Variants in MYO1D observed in about 807,000 individuals in gnomAD.
The protein encoded by MYO1D is unconventional myosin-Id.
MYO1D carries 83 observed loss-of-function variants against 122.0 expected under a neutral mutation model. That is an observed-to-expected ratio of 0.68 (90% confidence interval 0.57 to 0.82). MYO1D has a LOEUF of 0.82. Ranked by LOEUF, MYO1D falls within the 40% of genes least tolerant of loss-of-function variation. MYO1D has a pLI of 0.00. For synonymous variants in MYO1D, 464 were observed against 446.9 expected (o/e 1.04, Z -0.48); for missense variants, 1,157 against 1,269.5 (o/e 0.91, Z 1.35).
At chr17:32,691,899 A>G (rs1462962991) in intron 16 of MYO1D, among the ~76,000 whole-genome samples, 1 of 152,154 alleles carries the variant, frequency 6.6e-6, no homozygotes, top group East Asian at 1.9e-4. Context: ...CCTTAGCAAC[A>G]CTGTGTATGA....
chr17:32,535,310 T>C lies in MYO1D; in HGVS notation c.2865-40395A>G, dbSNP rs187297154. ...ACATCTTTTGCTCACTTAAGTATAA[T>C]TGCAGATTAAATTTTCACTTTATGA... On this transcript the variant is annotated intron_variant, in intron 21 of 21. Coordinates refer to ENST00000318217, the MANE Select transcript of MYO1D (RefSeq NM_015194.3). Among the ~76,000 whole-genome samples the C allele has an allele frequency of 2.1e-3, 324 of 152,350 alleles. 1 individual carries two copies. The Middle Eastern group carries it at 0.024, about 11-fold the overall frequency.
chr17:32,796,053 A>C (rs2090413552), intron 1 of MYO1D, among the ~76,000 whole-genome samples: 1 of 152,188 alleles, frequency 6.6e-6, no homozygotes, highest in Admixed American at 6.5e-5. Flanking sequence ...ATTTAAACCA[A>C]AACATGAGAA....
chr17:32,574,325 C>A (rs1283939044), intron 21 of MYO1D, among the ~76,000 whole-genome samples: 3 of 151,912 alleles, frequency 2.0e-5, no homozygotes, highest in Non-Finnish European at 4.4e-5. Context: ...AAAGACTATC[C>A]AGATTGATGC....
intron 1 of MYO1D, among the ~76,000 whole-genome samples, chr17:32,839,649 A>T (rs1339935527): frequency 6.6e-6 from 1 of 152,204 alleles, no homozygotes; most frequent in African/African-American, 2.4e-5. Flanking sequence ...CCCTATAGGA[A>T]GAGATTAATC....
intron 20 of MYO1D, among the ~76,000 whole-genome samples, chr17:32,624,896 T>C (rs1166844763): frequency 1.3e-5 from 2 of 152,094 alleles, no homozygotes; most frequent in Non-Finnish European, 2.9e-5. Flanking sequence ...GTTCAAGCGA[T>C]TCTCTTGCCT....
chr17:32,782,961 C>T (rs1424777145), intron 1 of MYO1D, among the ~76,000 whole-genome samples: 5 of 145,594 alleles, frequency 3.4e-5, no homozygotes, highest in Non-Finnish European at 7.4e-5. Flanking sequence ...AATTCCCTGA[C>T]TCAGCTGTCA....
intron 13 of MYO1D, among the ~76,000 whole-genome samples, chr17:32,744,179 T>C (rs1209829334): frequency 6.6e-6 from 1 of 152,148 alleles, no homozygotes; most frequent in East Asian, 1.9e-4. Context: ...TTGCTGTCAA[T>C]ACACTCAAGC....
rs1400311324 is a variant in MYO1D, at chr17:32,780,557, G to C, written c.304+19C>G. The C allele has an allele frequency of 6.2e-7, 1 of 1,608,874 alleles. No homozygotes were observed. Among genetic ancestry groups the C allele is most frequent in the East Asian group, 2.2e-5 (1 of 44,830 alleles). On this transcript the variant is annotated intron_variant, in intron 2 of 21. Transcript: ENST00000318217. ...AACACATTGTGACTTTGGAAATACA[G>C]GGGATCCCCTCCAATTACCTGATAT...
intron 16 of MYO1D, among the ~76,000 whole-genome samples, chr17:32,703,254 C>T (rs1041166082): frequency 8.3e-4 from 127 of 152,140 alleles, no homozygotes; most frequent in African/African-American, 3.0e-3. Flanking sequence ...AAGGCCAAAT[C>T]CCCCAAATAA....
intron 16 of MYO1D, among the ~76,000 whole-genome samples, chr17:32,683,562 G>T (rs929767025): frequency 9.2e-5 from 14 of 151,852 alleles, no homozygotes; most frequent in Admixed American, 7.2e-4. Flanking sequence ...TAGGCTGCTC[G>T]GGGGTCAGGG....
chr17:32,858,234 T>C (rs966661479), intron 1 of MYO1D, among the ~76,000 whole-genome samples: 1 of 152,196 alleles, frequency 6.6e-6, no homozygotes, highest in Non-Finnish European at 1.5e-5. Flanking sequence ...TTGGGAACCA[T>C]TTGATGTCTA....
intron 4 of MYO1D, 152 bp downstream of exon 4, chr17:32,775,712 A>T: frequency 1.4e-6 from 1 of 727,220 alleles, no homozygotes; most frequent in Non-Finnish European, 2.1e-6. Context: ...AGAAGAGAAG[A>T]CAAAAGGAGA....
intron 3 of MYO1D, 36 bp downstream of exon 3, chr17:32,778,444 G>A: frequency 1.9e-6 from 3 of 1,576,944 alleles, no homozygotes; most frequent in Non-Finnish European, 2.6e-6. Flanking sequence ...AAAACAGAGT[G>A]CTAAGAATTC....
chr17:32,834,251 G>A (rs573085500), intron 1 of MYO1D, among the ~76,000 whole-genome samples: 3 of 152,286 alleles, frequency 2.0e-5, no homozygotes, highest in African/African-American at 7.2e-5. Flanking sequence ...AACACTTTGG[G>A]AGGGATAACA....
chr17:32,790,592 C>T (rs2090340982), intron 1 of MYO1D, among the ~76,000 whole-genome samples: 2 of 152,196 alleles, frequency 1.3e-5, no homozygotes, highest in Admixed American at 1.3e-4. Context: ...ATGTGGACAA[C>T]TTCACACAAT....
At chr17:32,703,730 C>T (rs1451347086) in intron 16 of MYO1D, among the ~76,000 whole-genome samples, 1 of 152,130 alleles carries the variant, frequency 6.6e-6, no homozygotes, top group Non-Finnish European at 1.5e-5. Context: ...TGAATGGTTA[C>T]AGAATATTAG....
chr17:32,552,524 T>C (rs1781076698), intron 21 of MYO1D, among the ~76,000 whole-genome samples: 1 of 151,950 alleles, frequency 6.6e-6, no homozygotes, highest in African/African-American at 2.4e-5. Flanking sequence ...TCACCTCCCC[T>C]TTTTTGCCCT....
intron 19 of MYO1D, among the ~76,000 whole-genome samples, chr17:32,651,264 T>C (rs1000062734): frequency 6.6e-6 from 1 of 152,210 alleles, no homozygotes; most frequent in Non-Finnish European, 1.5e-5. Context: ...ATAATCCTTT[T>C]GGGTTGCTGT....
At chr17:32,803,802 A>G (rs1292864085) in intron 1 of MYO1D, among the ~76,000 whole-genome samples, 1 of 152,214 alleles carries the variant, frequency 6.6e-6, no homozygotes, top group African/African-American at 2.4e-5. Context: ...ACAAAACAAC[A>G]TCTGCAAAGC....
Sources: gnomAD v4.1 joint callset for allele counts (sites outside exome capture counted in the v4.1 genomes callset) on GRCh38, gnomAD v4.1.1 for gene constraint, MANE v1.5 for transcripts, NCBI Gene and HGNC (gene_info 2026-07-23, HGNC 2026-07-21) for gene names.